The following FGF14 variants were observed in gnomAD, a reference collection of about 807,000 sequenced individuals.
FGF14 encodes fibroblast growth factor 14, also known as fibroblast growth factor homologous factor 4.
FGF14 carries 5 observed loss-of-function variants against 25.5 expected under a neutral mutation model. The observed-to-expected ratio is 0.20, with a 90% CI of 0.10 to 0.41. The LOEUF (loss-of-function observed/expected upper bound fraction) is 0.41. FGF14 is among the 10% of genes least tolerant of loss of function. FGF14 has a pLI of 1.00. For missense variants in FGF14, 222 were observed against 320.1 expected (o/e 0.69, Z 2.34); for synonymous variants, 138 against 118.3 (o/e 1.17, Z -1.08).
At chr13:102,051,257 A>G (rs2042205016) in intron 1 of FGF14, among the ~76,000 whole-genome samples, 1 of 152,050 alleles carries the variant, frequency 6.6e-6, no homozygotes, top group Non-Finnish European at 1.5e-5. Context: ...ACTCTCACCC[A>G]TCTGTGATCT....
chr13:102,375,963 G>A (rs932188861), intron 1 of FGF14, among the ~76,000 whole-genome samples: 1 of 152,252 alleles, frequency 6.6e-6, no homozygotes, highest in South Asian at 2.1e-4. Context: ...GTAGTATCTA[G>A]AGTACATCTC....
intron 1 of FGF14, among the ~76,000 whole-genome samples, chr13:101,955,162 G>T (rs1286642249): frequency 6.6e-6 from 1 of 152,208 alleles, no homozygotes; most frequent in Non-Finnish European, 1.5e-5. Context: ...AATGAGCTAT[G>T]ATCACTGCAG....
chr13:102,080,222 T>A (rs2043554179), intron 1 of FGF14, among the ~76,000 whole-genome samples: 1 of 152,122 alleles, frequency 6.6e-6, no homozygotes, highest in African/African-American at 2.4e-5. Context: ...AAAGACCAGT[T>A]AGCAAGCTTT....
chr13:102,293,164 C>G (rs1447385826), intron 1 of FGF14: 1 of 152,240 alleles, frequency 6.6e-6, no homozygotes, highest in Non-Finnish European at 1.5e-5. Context: ...TTCCCCTAGA[C>G]AAGATGATGA....
intron 1 of FGF14, among the ~76,000 whole-genome samples, chr13:102,388,333 T>C (rs1383509262): frequency 6.6e-6 from 1 of 152,216 alleles, no homozygotes; most frequent in African/African-American, 2.4e-5. Flanking sequence ...TCAAATTGTA[T>C]AGAAAGATGT....
At chr13:102,274,907 A>ATTTATTATTT (rs1182023732) in intron 1 of FGF14, among the ~76,000 whole-genome samples, 1 of 150,932 alleles carries the variant, frequency 6.6e-6, no homozygotes, top group Non-Finnish European at 1.5e-5. Flanking sequence ...AATAATAAAT[A>ATTTATTATTT]ATTATTTATT....
At chr13:102,233,203 C>T (rs9518671) in intron 1 of FGF14, among the ~76,000 whole-genome samples, 2,212 of 152,218 alleles carry the variant, frequency 0.015, 28 homozygotes, top group Middle Eastern at 0.027. Context: ...AGCATGATCT[C>T]GGCTCACTGC....
At chr13:102,148,726 C>G (rs1030252812) in intron 1 of FGF14, among the ~76,000 whole-genome samples, 2 of 152,016 alleles carry the variant, frequency 1.3e-5, no homozygotes, top group Non-Finnish European at 2.9e-5. Flanking sequence ...AGGAGGTGGA[C>G]GTTGCAGTGA....
At chr13:102,227,383 T>A (rs1240042372) in intron 1 of FGF14, among the ~76,000 whole-genome samples, 1 of 152,196 alleles carries the variant, frequency 6.6e-6, no homozygotes, top group Admixed American at 6.5e-5. Flanking sequence ...TCAAAATTAA[T>A]GACAAAGATT....
chr13:102,161,567 A>AGTCATAGTACCCC (rs1386258495), intron 1 of FGF14, among the ~76,000 whole-genome samples: 1 of 2,074 alleles, frequency 4.8e-4, no homozygotes, highest in Non-Finnish European at 1.2e-3. Flanking sequence ...ACTTTCTGTG[A>AGTCATAGTACCCC]AGAAAGAAAG....
At chr13:101,997,926 T>C (rs531864603) in intron 1 of FGF14, among the ~76,000 whole-genome samples, 1 of 152,218 alleles carries the variant, frequency 6.6e-6, no homozygotes, top group Non-Finnish European at 1.5e-5. Context: ...TGTTATGGGA[T>C]ACCTATAGAT....
chr13:102,200,746 G>C lies in FGF14; in HGVS notation c.208+200725C>G, dbSNP rs1415054. Among the ~76,000 whole-genome samples the C allele has an allele frequency of 2.6e-5, 4 of 151,898 alleles. No homozygotes were observed. The East Asian group carries it at 5.8e-4, about 22-fold the overall frequency. On this transcript the variant is annotated intron_variant, in intron 1 of 4. Coordinates refer to the FGF14 transcript ENST00000376131. ...GGCAGCACCAAGTAGGTGGAGTGTC[G>C]ACTTCATTTGGAGGGTGTCATTGCA...
chr13:101,932,401 C>T (rs1376896601), intron 1 of FGF14, among the ~76,000 whole-genome samples: 1 of 151,640 alleles, frequency 6.6e-6, no homozygotes, highest in Non-Finnish European at 1.5e-5. Context: ...GGCGTGGTGG[C>T]TGGTGCCTGT....
chr13:102,258,720 G>A (rs2052570440), intron 1 of FGF14, among the ~76,000 whole-genome samples: 1 of 152,138 alleles, frequency 6.6e-6, no homozygotes, highest in South Asian at 2.1e-4. Flanking sequence ...AATGTCAGAG[G>A]GGCTGCACAT....
At position 102,017,971 on chromosome 13, in the gene FGF14, T is replaced by G. The variant is rs143410142; in HGVS notation, c.209-142675A>C. 2.6e-5 allele frequency among the ~76,000 whole-genome samples: 4 copies of G among 152,208 alleles called. No individual in the cohort carries two copies. The East Asian group carries it at 5.8e-4, about 22-fold the overall frequency. ...ACTTTTCAAATTTCCAATCTCCTTT[T>G]TTATCTCTCTGATGCTATTAATCAC... is the stretch of plus-strand genomic sequence containing the variant. On this transcript the variant is annotated intron_variant, in intron 1 of 4. Coordinates refer to the FGF14 transcript ENST00000376131.
chr13:101,834,984 A>G (rs2042851609), intron 3 of FGF14, among the ~76,000 whole-genome samples: 1 of 152,082 alleles, frequency 6.6e-6, no homozygotes, highest in South Asian at 2.1e-4. Flanking sequence ...GTTCACAGGG[A>G]GAAACAGAGG....
rs112638219 is a variant in FGF14, at chr13:101,717,216, T to C, written c.*5615A>G. On this transcript the variant is annotated 3_prime_UTR_variant, in exon 5 of 5. Transcript: ENST00000376143. ...ATGCATCCACTGAGTTACTTAAAAA[T>C]TTAATATTGAAAATTATTTTAAGAG... is the stretch of plus-strand genomic sequence containing the variant. The C allele has an allele frequency of 2.6e-3, 399 of 152,220 alleles. 5 individuals are homozygous for C. The highest frequency in any genetic ancestry group is 9.1e-3 in the African/African-American group (379 of 41,562). The allele number at this position is 152,220 out of a possible 1,614,324, so 9.4% of individuals were successfully genotyped here.
chr13:102,348,132 T>C (rs2057168057), intron 1 of FGF14, among the ~76,000 whole-genome samples: 1 of 152,078 alleles, frequency 6.6e-6, no homozygotes, highest in Admixed American at 6.5e-5. Context: ...AATTCAAATG[T>C]CCCCTGTAGA....
chr13:101,815,837 G>C (rs1489488885), intron 3 of FGF14, among the ~76,000 whole-genome samples: 6 of 152,140 alleles, frequency 3.9e-5, no homozygotes, highest in Non-Finnish European at 7.3e-5. Flanking sequence ...AGAAACTGAG[G>C]AGTGTAGTGC....
Sources: allele counts gnomAD v4.1 joint callset (sites outside exome capture counted in the v4.1 genomes callset), GRCh38; gene constraint gnomAD v4.1.1; transcripts MANE v1.5; gene names NCBI Gene and HGNC (gene_info 2026-07-23, HGNC 2026-07-21).